Variants in QSER1 observed in about 807,000 individuals in gnomAD.
QSER1 encodes glutamine and serine-rich protein 1.
Under a neutral mutation model 158.5 loss-of-function variants are expected in QSER1, and 49 were observed. The observed-to-expected ratio is 0.31, with a 90% CI of 0.25 to 0.39. The LOEUF is 0.39. Among genes scored for constraint, QSER1 ranks in the 10% least tolerant of loss-of-function variants. The pLI, the probability that QSER1 is intolerant of heterozygous loss-of-function variation, is 1.00. For missense variants in QSER1, 1,754 were observed against 2,010.3 expected (o/e 0.87, Z 2.44); for synonymous variants, 650 against 715.5 (o/e 0.91, Z 1.46).
intron 4 of QSER1, among the ~76,000 whole-genome samples, chr11:32,939,525 C>T (rs1183527104): frequency 1.3e-5 from 2 of 152,224 alleles, no homozygotes; most frequent in Admixed American, 1.3e-4. Context: ...TTATCTTGGA[C>T]ATTTTGAGTA....
At chr11:32,922,655 T>G (rs1851914020) in intron 1 of QSER1, among the ~76,000 whole-genome samples, 1 of 152,014 alleles carries the variant, frequency 6.6e-6, no homozygotes, top group Non-Finnish European at 1.5e-5. Flanking sequence ...TGGCTAATTT[T>G]TGTATTTTTA....
intron 1 of QSER1, among the ~76,000 whole-genome samples, chr11:32,914,749 C>T (rs1301045510): frequency 1.3e-5 from 2 of 152,212 alleles, no homozygotes; most frequent in East Asian, 3.9e-4. Context: ...AGTCATATAC[C>T]ATCTTCACTG....
rs553933274 is a variant in QSER1 at position 32,967,471 on chromosome 11, T to C, written c.5107+1034T>C. ...CAAACCACCTGTACCCCTAAAGCTA[T>C]TGAAATTTTTAAAAAGTTTTTTTTA... is the stretch of plus-strand genomic sequence containing the variant. On this transcript the variant is annotated intron_variant, in intron 9 of 12. Coordinates refer to ENST00000650167, the MANE Select transcript of QSER1 (RefSeq NM_001076786.3). Among the ~76,000 whole-genome samples the C allele has an allele frequency of 1.1e-4, 17 of 151,272 alleles. No individual in the cohort carries two copies. In the South Asian group the frequency reaches 2.7e-3, roughly 24 times the overall value.
intron 4 of QSER1, among the ~76,000 whole-genome samples, chr11:32,948,822 G>C (rs1044928927): frequency 3.3e-5 from 5 of 151,640 alleles, no homozygotes; most frequent in African/African-American, 1.2e-4. Context: ...CCCAATTCTG[G>C]GGGCATCATC....
intron 10 of QSER1, among the ~76,000 whole-genome samples, chr11:32,972,126 T>A (rs1437054971): frequency 1.3e-5 from 2 of 149,012 alleles, no homozygotes; most frequent in African/African-American, 5.0e-5. Flanking sequence ...TTGGAAACAA[T>A]AGATGAGTTT....
chr11:32,912,054 T>C (rs1180305036), intron 1 of QSER1, among the ~76,000 whole-genome samples: 1 of 152,218 alleles, frequency 6.6e-6, no homozygotes, highest in Non-Finnish European at 1.5e-5. Flanking sequence ...CTGATGTGAC[T>C]CACTCTTGGA....
At chr11:32,917,814 T>A (rs538034228) in intron 1 of QSER1, among the ~76,000 whole-genome samples, 38 of 117,928 alleles carry the variant, frequency 3.2e-4, no homozygotes, top group African/African-American at 1.1e-3. Context: ...AATGTGAGAC[T>A]CTGTCTCAAA....
rs571017612 is a variant in QSER1 at position 32,892,913 on chromosome 11, G to T, written c.-213G>T. Among the ~76,000 whole-genome samples, 143 of 140,490 alleles carry T rather than the reference G, an allele frequency of 1.0e-3. No homozygotes were observed. Among genetic ancestry groups the T allele is most frequent in the African/African-American group, 3.7e-3 (139 of 38,028 alleles). 92.2% of individuals were successfully genotyped at this position (140,490 alleles called of 152,430 possible). On this transcript the variant is annotated 5_prime_UTR_variant, in exon 1 of 13. Transcript: ENST00000650167. ...CCTCCGCTTCCCTGACGCCCAGCTGGGGCCTCGCCGCCCGCCGCGGCCCGG... is the reference window on the plus strand; with the variant it reads ...CCTCCGCTTCCCTGACGCCCAGCTGTGGCCTCGCCGCCCGCCGCGGCCCGG...
At position 32,932,579 on chromosome 11, in the gene QSER1, C is replaced by T; in HGVS notation, c.1321C>T (p.Pro441Ser). Reference sequence around the variant, plus strand: ...TGTGCAAACACTAAGCTATTCCAAACCTTTACATAATCAGAGTTCTGTAAT... The same window carrying T: ...TGTGCAAACACTAAGCTATTCCAAATCTTTACATAATCAGAGTTCTGTAAT... The part of the protein sequence containing the change: ...PPVQTLSYSK[P>S]LHNQSSVISG... Residue 441 changes from proline to serine, a missense_variant, in exon 4 of 13, where the codon CCT (proline) becomes TCT (serine). Pro to Ser is a moderately conservative substitution (Grantham distance 74). Transcript: ENST00000650167. The T allele has an allele frequency of 1.9e-6, 3 of 1,614,126 alleles. No homozygotes were observed. Among genetic ancestry groups the T allele is most frequent in the Non-Finnish European group, 2.5e-6 (3 of 1,180,000 alleles).
intron 12 of QSER1, chr11:32,975,681 C>A: frequency 8.7e-7 from 1 of 1,150,376 alleles, no homozygotes; most frequent in Non-Finnish European, 1.1e-6. Flanking sequence ...ACTTCAGTCA[C>A]TGCTTTGACA....
At position 32,934,958 on chromosome 11, in the gene QSER1, A is replaced by G. The variant is rs762544624; in HGVS notation, c.3700A>G (p.Arg1234Gly). 1 of 1,614,158 alleles carries G rather than the reference A, an allele frequency of 6.2e-7. No individual in the cohort carries two copies. Residue 1234 changes from arginine to glycine, a missense_variant, in exon 4 of 13, where the codon AGG becomes GGG. Arg to Gly is a moderately radical substitution (Grantham distance 125, BLOSUM62 -2). Coordinates refer to ENST00000650167, the MANE Select transcript of QSER1 (RefSeq NM_001076786.3). ...TGCCCAAGGCAAACGCCAGAATCCA[A>G]GGGGAACAGATATTTACTTACCGTA... Reference protein sequence around the residue: ...RPAQGKRQNPRGTDIYLPYTP... With the variant: ...RPAQGKRQNPGGTDIYLPYTP...
intron 12 of QSER1, chr11:32,975,639 T>C: frequency 1.6e-6 from 2 of 1,219,524 alleles, no homozygotes; most frequent in South Asian, 1.6e-5. Context: ...CATTTTGTTC[T>C]CTCACAGTGT....
At chr11:32,959,903 A>G (rs752372198) in intron 8 of QSER1, among the ~76,000 whole-genome samples, 24 of 152,276 alleles carry the variant, frequency 1.6e-4, no homozygotes, top group South Asian at 8.3e-4. Context: ...CTGGGACTAC[A>G]GGTGGGCACC....
At chr11:32,952,798 C>G (rs888322004) in intron 4 of QSER1, among the ~76,000 whole-genome samples, 1 of 147,342 alleles carries the variant, frequency 6.8e-6, no homozygotes, top group Non-Finnish European at 1.5e-5. Flanking sequence ...TATTTCTTCC[C>G]AAGTCTTTTT....
At chr11:32,939,726 G>A (rs1447207631) in intron 4 of QSER1, among the ~76,000 whole-genome samples, 1 of 152,018 alleles carries the variant, frequency 6.6e-6, no homozygotes, top group Non-Finnish European at 1.5e-5. Flanking sequence ...CTAGAACTTG[G>A]GTGGGTTGTA....
chr11:32,900,661 T>G (rs1167193203), intron 1 of QSER1, among the ~76,000 whole-genome samples: 6 of 152,174 alleles, frequency 3.9e-5, no homozygotes, highest in Admixed American at 3.9e-4. Flanking sequence ...CCCACCACCA[T>G]CCTTCAGCCA....
intron 1 of QSER1, among the ~76,000 whole-genome samples, chr11:32,901,702 C>A (rs78563845): frequency 6.6e-6 from 1 of 152,250 alleles, no homozygotes; most frequent in South Asian, 2.1e-4. Context: ...GGGGAGCTCA[C>A]CAGAGTAACA....
chr11:32,938,825 G>T (rs554254199), intron 4 of QSER1, among the ~76,000 whole-genome samples: 7 of 151,596 alleles, frequency 4.6e-5, no homozygotes, highest in Non-Finnish European at 1.0e-4. Flanking sequence ...ATAGGAGTTG[G>T]ATTAAGAAAA....
In QSER1 at chr11:32,928,060, G is replaced by A; in HGVS notation, c.421G>A (p.Ala141Thr). 1 of 1,613,768 alleles carries A rather than the reference G, an allele frequency of 6.2e-7. No homozygotes were observed. Residue 141 changes from alanine (A) to threonine (T), a missense_variant, in exon 3 of 13, where the codon GCT becomes ACT. Physicochemically the swap from Ala to Thr is moderately conservative, Grantham distance 58 (BLOSUM62 0). This residue lies in a region of QSER1 where 1,707 missense variants were observed against 1,919.6 expected (regional missense o/e 0.89). Transcript: ENST00000650167. ...TCTGTCTACTGCTGAATCCCGAACT[G>A]CTCAGGCTGCTGCTTCAGGAACTAC... ...NFLSTAESRT[A>T]QAAASGTTLL...
Sources: allele counts gnomAD v4.1 joint callset (sites outside exome capture counted in the v4.1 genomes callset), GRCh38; gene constraint gnomAD v4.1.1; regional missense constraint gnomAD v4.1.1; transcripts MANE v1.5; gene names NCBI Gene and HGNC (gene_info 2026-07-23, HGNC 2026-07-21).